Variants in MACF1 observed in about 807,000 individuals in gnomAD.
MACF1 encodes microtubule-actin cross-linking factor 1.
MACF1 carries 193 observed loss-of-function variants against 854.8 expected under a neutral mutation model. The ratio of observed to expected loss-of-function variants is 0.23; its 90% CI spans 0.20 to 0.25. MACF1 has a LOEUF of 0.25. Among genes scored for constraint, MACF1 ranks in the 10% least tolerant of loss-of-function variants. MACF1 has a pLI of 1.00. For synonymous variants in MACF1, 3,185 were observed against 3,226.7 expected, an observed-to-expected ratio of 0.99 and a Z score of 0.44; for missense variants, 7,722 against 8,929.1, an observed-to-expected ratio of 0.86 and a Z score of 5.45.
intron 2 of MACF1, among the ~76,000 whole-genome samples, chr1:39,117,721 A>G (rs1489056488): frequency 6.6e-6 from 1 of 152,246 alleles, no homozygotes; most frequent in South Asian, 2.1e-4. Flanking sequence ...AATATAGTAT[A>G]TAACACTGAG....
chr1:39,190,391 G>GTTTTTT (rs1557508061), intron 2 of MACF1, among the ~76,000 whole-genome samples: 6 of 41,804 alleles, frequency 1.4e-4, no homozygotes, highest in East Asian at 8.1e-4. Flanking sequence ...GTGTGTGTGT[G>GTTTTTT]TTTGTTTTTG....
intron 97 of MACF1, among the ~76,000 whole-genome samples, chr1:39,475,173 A>G (rs1448593194): frequency 6.6e-6 from 1 of 152,224 alleles, no homozygotes; most frequent in African/African-American, 2.4e-5. Context: ...CAAGCAGGGA[A>G]ATATAGAGGA....
intron 58 of MACF1, among the ~76,000 whole-genome samples, chr1:39,390,566 G>C (rs1047771343): frequency 6.6e-6 from 1 of 152,186 alleles, no homozygotes; most frequent in African/African-American, 2.4e-5. Context: ...TAGAGAAAAC[G>C]TAAACCCGTG....
chr1:39,454,758 C>T (rs115596972), intron 88 of MACF1, 151 bp from the exon 89 acceptor site: 220 of 652,570 alleles, frequency 3.4e-4, no homozygotes, highest in Non-Finnish European at 4.6e-4. Context: ...CAAGATTGTG[C>T]CACTACACTC....
intron 21 of MACF1, chr1:39,298,729 G>A (rs1645976504): frequency 2.5e-6 from 1 of 396,582 alleles, no homozygotes; most frequent in South Asian, 1.9e-5. Flanking sequence ...AATTAATTTG[G>A]AATGAAGGAT....
At chr1:39,243,879 A>G (rs929210536) in intron 2 of MACF1, among the ~76,000 whole-genome samples, 4 of 151,960 alleles carry the variant, frequency 2.6e-5, no homozygotes, top group South Asian at 2.1e-4. Context: ...AGCCCTCCAA[A>G]TCCGATCTCT....
At chr1:39,339,857 T>C (rs1646897040) in intron 38 of MACF1, among the ~76,000 whole-genome samples, 1 of 152,134 alleles carries the variant, frequency 6.6e-6, no homozygotes, top group African/African-American at 2.4e-5. Flanking sequence ...AGACAGATTG[T>C]AGTGGTTTAC....
rs538570264 is a variant in MACF1 at position 39,099,158 on chromosome 1, G to T, written c.220+14720G>T. On this transcript the variant is annotated intron_variant, in intron 2 of 93. Transcript: ENST00000361689. The stretch of plus-strand genomic sequence containing the variant: ...CACACACACACTCACTACTAGCAAA[G>T]AATTTCTTTTTTTTGAGATGGAGTT... Among the ~76,000 whole-genome samples the T allele has an allele frequency of 1.2e-4, 19 of 152,278 alleles. No homozygotes were observed. In the South Asian group the frequency reaches 2.9e-3, roughly 23 times the overall value.
At chr1:39,233,534 C>A (rs1644810239) in intron 2 of MACF1, among the ~76,000 whole-genome samples, 1 of 152,134 alleles carries the variant, frequency 6.6e-6, no homozygotes, top group African/African-American at 2.4e-5. Context: ...GTCTTCTTTT[C>A]CTCCATGGGC....
chr1:39,411,209 CAG>C (rs1401438042), intron 58 of MACF1: 5 of 1,613,768 alleles, frequency 3.1e-6, no homozygotes, highest in East Asian at 2.2e-5. Flanking sequence ...AGAGAGAAAA[CAG>C]AGTCTGAGCT....
At chr1:39,416,922 A>G (rs1643335302) in intron 58 of MACF1, among the ~76,000 whole-genome samples, 1 of 152,234 alleles carries the variant, frequency 6.6e-6, no homozygotes, top group African/African-American at 2.4e-5. Context: ...TTGAAACAAA[A>G]CAAATCATTA....
chr1:39,403,440 G>A (rs546774655), intron 58 of MACF1, among the ~76,000 whole-genome samples: 1 of 152,172 alleles, frequency 6.6e-6, no homozygotes, highest in African/African-American at 2.4e-5. Context: ...TTTTGTGTGA[G>A]GGGCCCTTCT....
intron 2 of MACF1, among the ~76,000 whole-genome samples, chr1:39,165,246 A>G (rs1643870712): frequency 6.6e-6 from 1 of 152,108 alleles, no homozygotes; most frequent in South Asian, 2.1e-4. Context: ...CAAAGCTGTC[A>G]TAAAAGGGCG....
rs202117254 is a variant in MACF1, at chr1:39,441,963, C to T, written c.18684C>T (p.Asp6228=). ...GTCTTTTGTTCTAGGCTATGTTTGA[C>T]TGGCTAGATAACACTGTGATTAAAC... The part of the protein sequence containing the change: ...QYQDTLQAMF[D]WLDNTVIKLC... The change falls in exon 75 of 101, where the codon GAC becomes GAT. Residue 6228 remains aspartate (D), a synonymous_variant. Transcript: ENST00000564288. The T allele has an allele frequency of 8.7e-6, 14 of 1,613,604 alleles. No individual in the cohort carries two copies. Among genetic ancestry groups the T allele is most frequent in the Admixed American group, 5.0e-5 (3 of 59,964 alleles).
chr1:39,444,932 G>A, intron 80 of MACF1, 97 bp downstream of exon 80: 2 of 1,128,422 alleles, frequency 1.8e-6, no homozygotes, highest in Non-Finnish European at 2.5e-6. Context: ...GAAGACCAGG[G>A]TATTGTAACA....
chr1:39,411,649 G>C, intron 58 of MACF1: 1 of 1,613,988 alleles, frequency 6.2e-7, no homozygotes, highest in Non-Finnish European at 8.5e-7. Context: ...CTCTGACACA[G>C]ACTCAGTGCA....
At chr1:39,355,179 C>T (rs934137491) in intron 44 of MACF1, among the ~76,000 whole-genome samples, 1 of 152,126 alleles carries the variant, frequency 6.6e-6, no homozygotes, top group Non-Finnish European at 1.5e-5. Context: ...TTCGAAGGTC[C>T]ATTATACTGT....
At chr1:39,288,916 C>T (rs893375948) in intron 15 of MACF1, among the ~76,000 whole-genome samples, 4 of 152,150 alleles carry the variant, frequency 2.6e-5, no homozygotes, top group African/African-American at 7.2e-5. Flanking sequence ...TCATCCCCAC[C>T]TCCCTCTGAT....
rs986265403 is a variant in MACF1 at position 39,333,756 on chromosome 1, G to C, written c.7168G>C (p.Val2390Leu). The change falls in exon 37 of 101, where the codon GTT becomes CTT. Residue 2390 changes from valine to leucine, a missense_variant. Coordinates refer to ENST00000564288, the MANE Select transcript of MACF1 (RefSeq NM_001394062.1). The part of the protein sequence containing the change: ...TLCSVKDAVT[V>L]GLLDKETATR... ...GTGCTCTGTAAAGGATGCAGTTACA[G>C]TTGGACTTCTTGACAAGGAAACAGC... The C allele has an allele frequency of 5.6e-6, 9 of 1,614,088 alleles. No individual in the cohort carries two copies. In the Admixed American group the frequency reaches 1.5e-4, roughly 27 times the overall value.
Sources: allele counts gnomAD v4.1 joint callset (sites outside exome capture counted in the v4.1 genomes callset), GRCh38; gene constraint gnomAD v4.1.1; transcripts MANE v1.5; gene names NCBI Gene and HGNC (gene_info 2026-07-23, HGNC 2026-07-21).